Variants in MBNL1 observed in about 807,000 individuals in gnomAD.
MBNL1 encodes the protein muscleblind like splicing regulator 1, also known as muscleblind-like protein 1.
A neutral mutation model predicts 42.2 loss-of-function variants in MBNL1; 8 were observed. The ratio of observed to expected loss-of-function variants is 0.19; its 90% CI spans 0.11 to 0.34. MBNL1 has a LOEUF of 0.34. Ranked by LOEUF, MBNL1 falls within the 10% of genes least tolerant of loss-of-function variation. The probability of loss-of-function intolerance (pLI) is 1.00; values close to 1 mark genes in which losing one functional copy is unlikely to be tolerated. For synonymous variants in MBNL1, 169 were observed against 173.9 expected (o/e 0.97, Z 0.22); for missense variants, 309 against 495.3 (o/e 0.62, Z 3.57).
intron 1 of MBNL1, among the ~76,000 whole-genome samples, chr3:152,278,432 GA>G (rs1027839481): frequency 1.3e-5 from 2 of 152,048 alleles, no homozygotes; most frequent in African/African-American, 4.8e-5. Flanking sequence ...AAAATAATTT[GA>G]GAAGTGCCTA....
intron 2 of MBNL1, among the ~76,000 whole-genome samples, chr3:152,400,643 G>C (rs1300516614): frequency 6.6e-6 from 1 of 152,132 alleles, no homozygotes; most frequent in Non-Finnish European, 1.5e-5. Context: ...AAATAACCCT[G>C]TGATTATGCA....
At chr3:152,284,899 A>G (rs771228037) in intron 1 of MBNL1, among the ~76,000 whole-genome samples, 3 of 152,194 alleles carry the variant, frequency 2.0e-5, no homozygotes, top group Non-Finnish European at 4.4e-5. Flanking sequence ...TTCCTTGACA[A>G]TTAATCTTTC....
chr3:152,428,728 A>C (rs1352401095), intron 3 of MBNL1, among the ~76,000 whole-genome samples: 1 of 151,894 alleles, frequency 6.6e-6, no homozygotes, highest in African/African-American at 2.4e-5. Flanking sequence ...CTGACGAGTG[A>C]GGAGTGGCCA....
chr3:152,321,507 C>T (rs1174361643), intron 2 of MBNL1, among the ~76,000 whole-genome samples: 1 of 152,040 alleles, frequency 6.6e-6, no homozygotes, highest in African/African-American at 2.4e-5. Context: ...TACAACTTTA[C>T]AGAATATCTC....
intron 8 of MBNL1, among the ~76,000 whole-genome samples, 160 bp downstream of exon 8, chr3:152,456,521 C>T (rs1334963770): frequency 6.6e-6 from 1 of 152,174 alleles, no homozygotes; most frequent in Non-Finnish European, 1.5e-5. Context: ...AAAGATACCT[C>T]TTGTTGGCCT....
At chr3:152,268,145 A>G (rs1389159454), upstream of MBNL1, 2 of 152,380 alleles carry the variant, frequency 1.3e-5, no homozygotes, top group South Asian at 2.0e-4. Context: ...TTCAGAAGTA[A>G]CATATTATTT....
intron 2 of MBNL1, among the ~76,000 whole-genome samples, chr3:152,349,526 G>A (rs564547235): frequency 6.6e-6 from 1 of 152,110 alleles, no homozygotes; most frequent in South Asian, 2.1e-4. Context: ...TTTCTGAGTT[G>A]CACTATAAAA....
intron 1 of MBNL1, 155 bp downstream of exon 1, chr3:152,269,247 C>T (rs1361461944): frequency 8.8e-6 from 3 of 341,984 alleles, no homozygotes; most frequent in African/African-American, 2.2e-5. Flanking sequence ...TTTCGCGTCC[C>T]TCAGCACCTC....
rs147097964 is a variant in MBNL1, at chr3:152,296,433, T to G, written c.-789-2972T>G. Among the ~76,000 whole-genome samples, 8 of 152,216 alleles carry G rather than the reference T, an allele frequency of 5.3e-5. No individual in the cohort carries two copies. In the East Asian group the frequency reaches 1.5e-3, roughly 29 times the overall value. ...AGATACAGAAAGATAGGTTAAAGAC[T>G]TGTGAGTAGGAAGGTAAGAAAAAGT... On this transcript the variant is annotated intron_variant, in intron 1 of 9. Coordinates refer to ENST00000324210, the MANE Select transcript of MBNL1 (RefSeq NM_021038.5).
intron 2 of MBNL1, chr3:152,335,227 G>T (rs745475651): frequency 7.8e-7 from 1 of 1,289,760 alleles, no homozygotes; most frequent in South Asian, 1.2e-5. Flanking sequence ...GCTAATGGAT[G>T]CTGGTGAGTG....
chr3:152,428,141 A>G lies in MBNL1; in HGVS notation c.346-4576A>G, dbSNP rs557981451. Among the ~76,000 whole-genome samples the G allele has an allele frequency of 2.1e-4, 32 of 152,296 alleles. No individual in the cohort carries two copies. In the South Asian group the frequency reaches 6.6e-3, roughly 32 times the overall value. ...GAATTTTGAGGTAAAGAAAGAAACAATCACTTTTATTTCACATTCAAGTAT... is the reference window on the plus strand; with the variant it reads ...GAATTTTGAGGTAAAGAAAGAAACAGTCACTTTTATTTCACATTCAAGTAT... On this transcript the variant is annotated intron_variant, in intron 3 of 9. Transcript: ENST00000324210.
In MBNL1 at chr3:152,308,548, C is replaced by A. The variant is rs576016686; in HGVS notation, c.174+8181C>A. On this transcript the variant is annotated intron_variant, in intron 2 of 9. Transcript: ENST00000324210. ...AGGAGCTGGAGTCCAAAGCTTCCCA[C>A]CTGTGTAACCTTTAGGGTGGGAAGG... 3.3e-5 allele frequency among the ~76,000 whole-genome samples: 5 copies of A among 152,260 alleles called. No individual in the cohort carries two copies. The East Asian group carries it at 9.6e-4, about 29-fold the overall frequency.
At chr3:152,280,662 T>C (rs1308279502) in intron 1 of MBNL1, among the ~76,000 whole-genome samples, 1 of 152,100 alleles carries the variant, frequency 6.6e-6, no homozygotes, top group Non-Finnish European at 1.5e-5. Flanking sequence ...TGACAGAGAA[T>C]TTTAAATATG....
intron 2 of MBNL1, among the ~76,000 whole-genome samples, chr3:152,252,716 T>C (rs1329750658): frequency 1.3e-5 from 2 of 152,118 alleles, no homozygotes; most frequent in Non-Finnish European, 2.9e-5. Flanking sequence ...ACCTTATGGG[T>C]TTATTATTCC....
At chr3:152,420,004 G>T (rs542610571) in intron 3 of MBNL1, among the ~76,000 whole-genome samples, 2 of 152,272 alleles carry the variant, frequency 1.3e-5, no homozygotes, top group Non-Finnish European at 2.9e-5. Flanking sequence ...TTTGAACTGG[G>T]TGCAGAAACC....
At chr3:152,402,996 T>G (rs887714613) in intron 2 of MBNL1, among the ~76,000 whole-genome samples, 2 of 152,188 alleles carry the variant, frequency 1.3e-5, no homozygotes, top group African/African-American at 4.8e-5. Flanking sequence ...ATACAACAAC[T>G]ATTTCTAATA....
intron 2 of MBNL1, among the ~76,000 whole-genome samples, chr3:152,387,712 GTA>G (rs1430229109): frequency 2.6e-5 from 4 of 151,982 alleles, no homozygotes; most frequent in African/African-American, 9.7e-5. Context: ...AAGTGCCATT[GTA>G]TCTTTCTAAT....
chr3:152,298,947 G>A (rs2059710083), intron 1 of MBNL1: 1 of 152,288 alleles, frequency 6.6e-6, no homozygotes, highest in African/African-American at 2.4e-5. Flanking sequence ...ACTTGTCTGA[G>A]AAGCTGTTTT....
chr3:152,302,206 A>G (rs966987837), intron 2 of MBNL1: 1 of 152,200 alleles, frequency 6.6e-6, no homozygotes, highest in Non-Finnish European at 1.5e-5. Flanking sequence ...AAGATTTTAA[A>G]TGTATTTATG....
Sources: allele counts gnomAD v4.1 joint callset (sites outside exome capture counted in the v4.1 genomes callset), GRCh38; gene constraint gnomAD v4.1.1; transcripts MANE v1.5; gene names NCBI Gene and HGNC (gene_info 2026-07-23, HGNC 2026-07-21).